AKAP19: variants seen among roughly 807,000 people sequenced by gnomAD.
The protein encoded by AKAP19 is small A-kinase anchoring protein.
the AKAP19 span, among the ~76,000 whole-genome samples, chr2:190,048,523 G>A: frequency 1.4e-4 from 21 of 152,124 alleles, no homozygotes; most frequent in African/African-American, 4.3e-4. Context: ...CTTCCCTTTT[G>A]CCTTTAAAAA....
chr2:189,919,753 A>T, the AKAP19 span, among the ~76,000 whole-genome samples: 1 of 152,108 alleles, frequency 6.6e-6, no homozygotes, highest in Non-Finnish European at 1.5e-5. Context: ...ATCACTTTTT[A>T]AAAAGCTGCT....
the AKAP19 span, among the ~76,000 whole-genome samples, chr2:189,921,516 A>G: frequency 1.3e-5 from 2 of 152,198 alleles, no homozygotes; most frequent in Non-Finnish European, 2.9e-5. Context: ...TTAAAGGCAT[A>G]AACTATAGGT....
the AKAP19 span, among the ~76,000 whole-genome samples, chr2:190,003,438 A>T: frequency 2.0e-5 from 3 of 152,158 alleles, no homozygotes; most frequent in Non-Finnish European, 4.4e-5. Context: ...GAGTCTTTTC[A>T]TAGATTGAAT....
At chr2:189,969,869 CT>C in the AKAP19 span, among the ~76,000 whole-genome samples, 4,544 of 109,834 alleles carry the variant, frequency 0.041, 29 homozygotes, top group Non-Finnish European at 0.059. Flanking sequence ...TCTTCTTCTT[CT>C]TTTTTTTTTT....
the AKAP19 span, among the ~76,000 whole-genome samples, chr2:189,983,586 G>A: frequency 1.3e-5 from 2 of 152,214 alleles, no homozygotes; most frequent in Non-Finnish European, 2.9e-5. Flanking sequence ...CCCAGGCATA[G>A]GTGCTGCCCA....
chr2:190,157,628 T>A, the AKAP19 span, among the ~76,000 whole-genome samples: 39 of 152,302 alleles, frequency 2.6e-4, no homozygotes, highest in African/African-American at 9.1e-4. Context: ...ATTACTTAAC[T>A]ATTTTTTTAA....
the AKAP19 span, among the ~76,000 whole-genome samples, chr2:189,948,891 A>G: frequency 1.3e-5 from 2 of 151,748 alleles, no homozygotes; most frequent in South Asian, 4.2e-4. Flanking sequence ...TTATGTAGGT[A>G]TTTAAACTTT....
the AKAP19 span, among the ~76,000 whole-genome samples, chr2:189,897,900 T>G: frequency 6.6e-6 from 1 of 152,136 alleles, no homozygotes; most frequent in African/African-American, 2.4e-5. Flanking sequence ...GAACTTATAA[T>G]TGAATGAAAT....
chr2:190,129,773 A>G, the AKAP19 span, among the ~76,000 whole-genome samples: 3 of 152,148 alleles, frequency 2.0e-5, no homozygotes, highest in African/African-American at 7.2e-5. Flanking sequence ...GACCTTCAGA[A>G]TACCTACATG....
At chr2:190,107,333 A>G in the AKAP19 span, among the ~76,000 whole-genome samples, 5 of 152,354 alleles carry the variant, frequency 3.3e-5, no homozygotes, top group East Asian at 9.6e-4. Context: ...TAATAAATTT[A>G]AAAAGAAATT....
the AKAP19 span, among the ~76,000 whole-genome samples, chr2:189,970,918 TTTGATTACTTATGAGG>T: frequency 6.6e-6 from 1 of 152,256 alleles, no homozygotes; most frequent in Non-Finnish European, 1.5e-5. Flanking sequence ...ATTTGCATTT[TTTGATTACTTATGAGG>T]TTGATCATCT....
At chr2:190,048,561 C>T in the AKAP19 span, among the ~76,000 whole-genome samples, 2 of 152,298 alleles carry the variant, frequency 1.3e-5, no homozygotes, top group East Asian at 1.9e-4. Flanking sequence ...ACCATCCCCC[C>T]ACGTACAACT....
At chr2:190,037,756 G>C in the AKAP19 span, among the ~76,000 whole-genome samples, 1 of 152,078 alleles carries the variant, frequency 6.6e-6, no homozygotes, top group South Asian at 2.1e-4. Context: ...TGTCTACCGG[G>C]GTTCAATTAT....
chr2:190,160,684 CTCTT>C, the AKAP19 span, among the ~76,000 whole-genome samples: 1 of 148,478 alleles, frequency 6.7e-6, no homozygotes, highest in Non-Finnish European at 1.5e-5. Flanking sequence ...GTAATTAGCT[CTCTT>C]TCTCAATTTG....
chr2:190,028,731 CA>C, the AKAP19 span, among the ~76,000 whole-genome samples: 1 of 151,984 alleles, frequency 6.6e-6, no homozygotes, highest in Non-Finnish European at 1.5e-5. Context: ...GTGCAATGCA[CA>C]AACACAAATG....
the AKAP19 span, among the ~76,000 whole-genome samples, chr2:190,081,217 C>T: frequency 5.0e-4 from 76 of 151,684 alleles, no homozygotes; most frequent in South Asian, 4.6e-3. Context: ...TCCTCCCATC[C>T]CCCCATCCCC....
the AKAP19 span, among the ~76,000 whole-genome samples, chr2:190,125,703 T>C: frequency 1.3e-5 from 2 of 152,106 alleles, no homozygotes; most frequent in African/African-American, 4.8e-5. Context: ...AAAGGCAGTT[T>C]CTAGTGAAAT....
chr2:190,030,843 A>G, the AKAP19 span, among the ~76,000 whole-genome samples: 1 of 152,216 alleles, frequency 6.6e-6, no homozygotes, highest in Non-Finnish European at 1.5e-5. Flanking sequence ...TACCCATCAT[A>G]TAGGCAAGGT....
At chr2:189,903,124 A>G in the AKAP19 span, among the ~76,000 whole-genome samples, 2 of 151,956 alleles carry the variant, frequency 1.3e-5, no homozygotes, top group Non-Finnish European at 2.9e-5. Flanking sequence ...ATCAGAGAGT[A>G]AAAGATGGGC....
Sources: allele counts gnomAD v4.1 joint callset (sites outside exome capture counted in the v4.1 genomes callset), GRCh38; gene constraint gnomAD v4.1.1; transcripts MANE v1.5; gene names NCBI Gene and HGNC (gene_info 2026-07-23, HGNC 2026-07-21).